The following THSD7A variants were observed in gnomAD, a reference collection of about 807,000 sequenced individuals.
THSD7A encodes the protein thrombospondin type-1 domain-containing protein 7A.
THSD7A carries 96 observed loss-of-function variants against 231.3 expected under a neutral mutation model. That is an observed-to-expected ratio of 0.41 (90% CI 0.35 to 0.49). The LOEUF is 0.49. THSD7A is among the 20% of genes least tolerant of loss of function. The pLI is 0.05. For missense variants in THSD7A, 2,290 were observed against 2,070.2 expected (o/e 1.11, Z -2.06); for synonymous variants, 940 against 743.3 (o/e 1.26, Z -4.30).
intron 16 of THSD7A, among the ~76,000 whole-genome samples, chr7:11,423,260 C>T (rs1170287588): frequency 6.6e-6 from 1 of 152,096 alleles, no homozygotes; most frequent in Non-Finnish European, 1.5e-5. Context: ...CAAATATTAA[C>T]TTGTTCTGCT....
chr7:11,813,384 A>G (rs984648932), intron 1 of THSD7A, among the ~76,000 whole-genome samples: 28 of 152,134 alleles, frequency 1.8e-4, no homozygotes, highest in Admixed American at 1.8e-3. Flanking sequence ...GAAATTCACA[A>G]AAAACATAGT....
intron 1 of THSD7A, among the ~76,000 whole-genome samples, chr7:11,667,040 C>T (rs1414070589): frequency 2.0e-5 from 3 of 151,920 alleles, no homozygotes; most frequent in Non-Finnish European, 4.4e-5. Context: ...TTAAAACATC[C>T]TTAGCTTTGT....
At chr7:11,802,450 C>G (rs952261788) in intron 1 of THSD7A, among the ~76,000 whole-genome samples, 2 of 152,050 alleles carry the variant, frequency 1.3e-5, no homozygotes, top group Admixed American at 1.3e-4. Context: ...TGTGTGATCA[C>G]TAAACTGTAG....
chr7:11,742,116 T>C (rs187927076), intron 1 of THSD7A, among the ~76,000 whole-genome samples: 1 of 152,066 alleles, frequency 6.6e-6, no homozygotes, highest in Non-Finnish European at 1.5e-5. Flanking sequence ...AGAAGTGTTG[T>C]AAAATCAAAG....
chr7:11,519,852 T>C (rs765982452), intron 6 of THSD7A, among the ~76,000 whole-genome samples: 1 of 152,210 alleles, frequency 6.6e-6, no homozygotes, highest in Non-Finnish European at 1.5e-5. Flanking sequence ...TCAGAAAGCA[T>C]GCAAATCCTT....
intron 2 of THSD7A, among the ~76,000 whole-genome samples, chr7:11,604,176 G>A (rs1289883858): frequency 6.6e-6 from 1 of 152,044 alleles, no homozygotes; most frequent in Non-Finnish European, 1.5e-5. Flanking sequence ...TGAGACTTCA[G>A]AACAATTTCA....
chr7:11,461,243 C>T (rs772826332), intron 10 of THSD7A, among the ~76,000 whole-genome samples: 2 of 151,994 alleles, frequency 1.3e-5, no homozygotes, highest in Non-Finnish European at 2.9e-5. Flanking sequence ...TAAGTTTGAA[C>T]CAGTAGTTGT....
chr7:11,756,946 C>G (rs1782697745), intron 1 of THSD7A, among the ~76,000 whole-genome samples: 1 of 151,920 alleles, frequency 6.6e-6, no homozygotes, highest in African/African-American at 2.4e-5. Context: ...ATGCTGAATT[C>G]TGGCATCAAG....
chr7:11,664,866 T>G (rs937086361), intron 1 of THSD7A, among the ~76,000 whole-genome samples: 4 of 152,030 alleles, frequency 2.6e-5, no homozygotes, highest in African/African-American at 9.7e-5. Flanking sequence ...TTGTTTTTCC[T>G]TATCTTCTCT....
chr7:11,796,818 T>G (rs1784138699), intron 1 of THSD7A, among the ~76,000 whole-genome samples: 2 of 152,140 alleles, frequency 1.3e-5, no homozygotes, highest in Admixed American at 1.3e-4. Context: ...CAGTCATTTT[T>G]CTATACTATG....
At position 11,374,956 on chromosome 7, in the gene THSD7A, C is replaced by T. The variant is rs1469193405; in HGVS notation, c.*838G>A. ...AAAAGAGGCAGTTTCTATGGCAATA[C>T]TGGTTAAGCGCCTATCGTGCTGCAC... On this transcript the variant is annotated 3_prime_UTR_variant, in exon 28 of 28. Transcript: ENST00000423059. 2.0e-5 allele frequency: 3 copies of T among 152,070 alleles called. No individual in the cohort carries two copies. Among genetic ancestry groups the T allele is most frequent in the Non-Finnish European group, 2.9e-5 (2 of 67,990 alleles). 9.4% of individuals were successfully genotyped at this position (152,070 alleles called of 1,614,324 possible).
intron 6 of THSD7A, among the ~76,000 whole-genome samples, chr7:11,485,439 G>T (rs751695618): frequency 2.0e-5 from 3 of 152,136 alleles, no homozygotes; most frequent in Non-Finnish European, 4.4e-5. Flanking sequence ...TCAATGAATA[G>T]TTGCTGAATG....
intron 1 of THSD7A, among the ~76,000 whole-genome samples, chr7:11,655,027 G>A (rs952474640): frequency 2.5e-4 from 38 of 151,840 alleles, no homozygotes; most frequent in African/African-American, 8.7e-4. Flanking sequence ...CCAACCATCA[G>A]AAGTTAAATA....
intron 6 of THSD7A, among the ~76,000 whole-genome samples, chr7:11,518,260 T>C (rs749517230): frequency 6.6e-6 from 1 of 152,146 alleles, no homozygotes; most frequent in Non-Finnish European, 1.5e-5. Context: ...CCAGAGATGC[T>C]ACAATAGGAA....
At chr7:11,775,980 T>C (rs1562546876) in intron 1 of THSD7A, among the ~76,000 whole-genome samples, 1 of 152,206 alleles carries the variant, frequency 6.6e-6, no homozygotes, top group East Asian at 1.9e-4. Context: ...ATTATAATTA[T>C]AAAGATACAT....
rs540925549 is a variant in THSD7A, at chr7:11,749,019, G to A, written c.190+82738C>T. Among the ~76,000 whole-genome samples the A allele has an allele frequency of 1.3e-4, 20 of 151,938 alleles. 1 individual carries two copies. The South Asian group carries it at 1.7e-3, about 13-fold the overall frequency. Reference sequence around the variant, plus strand: ...CTGAGAGAGTGTCACCCCAAGATCCGTCCACCAAATATTATTGAGAGAGCT... The same window carrying A: ...CTGAGAGAGTGTCACCCCAAGATCCATCCACCAAATATTATTGAGAGAGCT... On this transcript the variant is annotated intron_variant, in intron 1 of 27. Coordinates refer to ENST00000423059, the MANE Select transcript of THSD7A (RefSeq NM_015204.3).
Position 11,455,177 on chromosome 7 carries a change from C to T in THSD7A, c.2605+5485G>A, listed in dbSNP as rs117684751. Among the ~76,000 whole-genome samples, 386 of 152,126 alleles carry T rather than the reference C, an allele frequency of 2.5e-3. 2 individuals are homozygous for T. Among genetic ancestry groups the T allele is most frequent in the East Asian group, 0.021 (107 of 5,164 alleles). Reference sequence around the variant, plus strand: ...ATGTAACAGCACAGTGAGAAGATGACTGTCTGCAAGTCAGGAAATAGGTCT... The same window carrying T: ...ATGTAACAGCACAGTGAGAAGATGATTGTCTGCAAGTCAGGAAATAGGTCT... On this transcript the variant is annotated intron_variant, in intron 11 of 27. Coordinates refer to ENST00000423059, the MANE Select transcript of THSD7A (RefSeq NM_015204.3).
At chr7:11,435,410 C>CCAAT (rs1266230781) in intron 13 of THSD7A, among the ~76,000 whole-genome samples, 1 of 152,066 alleles carries the variant, frequency 6.6e-6, no homozygotes, top group East Asian at 1.9e-4. Context: ...ACCGGAGAGA[C>CCAAT]CAATCATCTG....
At chr7:11,410,225 G>A (rs1396170147) in intron 19 of THSD7A, among the ~76,000 whole-genome samples, 2 of 151,612 alleles carry the variant, frequency 1.3e-5, no homozygotes, top group Non-Finnish European at 2.9e-5. Flanking sequence ...AACACATGTG[G>A]GTGCTCTGCT....
Sources: allele counts gnomAD v4.1 joint callset (sites outside exome capture counted in the v4.1 genomes callset), GRCh38; gene constraint gnomAD v4.1.1; transcripts MANE v1.5; gene names NCBI Gene and HGNC (gene_info 2026-07-23, HGNC 2026-07-21).